The following GAB2 variants were observed in gnomAD, a reference collection of about 807,000 sequenced individuals.
GAB2 encodes the protein GRB2-associated-binding protein 2.
GAB2 carries 26 observed loss-of-function variants against 65.5 expected under a neutral mutation model. The ratio of observed to expected loss-of-function variants is 0.40; its 90% CI spans 0.29 to 0.55. The LOEUF is 0.55. Among genes scored for constraint, GAB2 ranks in the 20% least tolerant of loss-of-function variants. The pLI is 0.53. For missense variants in GAB2, 884 were observed against 875.8 expected (o/e 1.01, Z -0.12); for synonymous variants, 321 against 329.6 (o/e 0.97, Z 0.28).
chr11:78,359,544 C>G (rs1303875889), intron 1 of GAB2, among the ~76,000 whole-genome samples: 1 of 152,190 alleles, frequency 6.6e-6, no homozygotes. Context: ...CAGACAGACT[C>G]TCACTAAAGG....
chr11:78,264,045 C>G (rs1865807501), intron 2 of GAB2, among the ~76,000 whole-genome samples: 1 of 152,064 alleles, frequency 6.6e-6, no homozygotes, highest in Non-Finnish European at 1.5e-5. Context: ...AAAAGTCCAA[C>G]ATTGTAACTG....
intron 3 of GAB2, among the ~76,000 whole-genome samples, chr11:78,227,578 T>G (rs1341120841): frequency 6.8e-6 from 1 of 147,046 alleles, no homozygotes; most frequent in African/African-American, 2.5e-5. Flanking sequence ...GAGGTTCACT[T>G]GAGGCCAGGA....
At chr11:78,399,178 T>C (rs1221913411) in intron 1 of GAB2, among the ~76,000 whole-genome samples, 1 of 152,210 alleles carries the variant, frequency 6.6e-6, no homozygotes, top group Non-Finnish European at 1.5e-5. Flanking sequence ...ATTACCTTGA[T>C]GATAGCTGCT....
chr11:78,326,083 C>T (rs55675623), intron 1 of GAB2, among the ~76,000 whole-genome samples: 7,420 of 152,182 alleles, frequency 0.049, 581 homozygotes, highest in African/African-American at 0.17. Flanking sequence ...TGAATATATA[C>T]AATGTCTTCC....
At chr11:78,335,371 G>C (rs1353302309) in intron 1 of GAB2, among the ~76,000 whole-genome samples, 1 of 152,178 alleles carries the variant, frequency 6.6e-6, no homozygotes, top group African/African-American at 2.4e-5. Context: ...TTCATAGTTA[G>C]AGGTTTTAGA....
intron 1 of GAB2, among the ~76,000 whole-genome samples, chr11:78,357,601 G>A (rs1046808169): frequency 1.1e-4 from 16 of 152,120 alleles, no homozygotes; most frequent in Non-Finnish European, 2.2e-4. Flanking sequence ...AAAACTGGGC[G>A]AAGGATATGA....
At chr11:78,381,062 C>G (rs980247192) in intron 1 of GAB2, among the ~76,000 whole-genome samples, 1 of 152,148 alleles carries the variant, frequency 6.6e-6, no homozygotes, top group African/African-American at 2.4e-5. Context: ...GCTTTGTACT[C>G]AAATAGACTC....
intron 1 of GAB2, among the ~76,000 whole-genome samples, chr11:78,375,165 C>T (rs1856617574): frequency 6.6e-6 from 1 of 152,238 alleles, no homozygotes. Context: ...CCGCCTCAGC[C>T]TCCCAAGTAG....
chr11:78,245,152 C>T (rs1482726945), intron 3 of GAB2, among the ~76,000 whole-genome samples: 1 of 152,034 alleles, frequency 6.6e-6, no homozygotes, highest in Non-Finnish European at 1.5e-5. Context: ...TTTTCAGGGC[C>T]TGAGGGAAGG....
Position 78,386,027 on chromosome 11 carries a change from A to G in GAB2, c.75+31619T>C, listed in dbSNP as rs149767200. Among the ~76,000 whole-genome samples the G allele has an allele frequency of 6.1e-3, 926 of 152,292 alleles. 9 individuals are homozygous for G. Among genetic ancestry groups the G allele is most frequent in the African/African-American group, 0.021 (870 of 41,546 alleles). Reference sequence around the variant, plus strand: ...GGTTATTCAAAGCTTCCCCATCCCCAGTCAGTGCCTGAGATATATGATGGT... The same window carrying G: ...GGTTATTCAAAGCTTCCCCATCCCCGGTCAGTGCCTGAGATATATGATGGT... On this transcript the variant is annotated intron_variant, in intron 1 of 9. Transcript: ENST00000361507.
At chr11:78,248,238 G>C (rs953729892) in intron 3 of GAB2, among the ~76,000 whole-genome samples, 2 of 152,134 alleles carry the variant, frequency 1.3e-5, no homozygotes, top group Non-Finnish European at 2.9e-5. Context: ...GAGGAGGTAG[G>C]GGTGCAGAGA....
chr11:78,271,166 T>A (rs1383863800), intron 2 of GAB2, among the ~76,000 whole-genome samples: 1 of 152,222 alleles, frequency 6.6e-6, no homozygotes, highest in Non-Finnish European at 1.5e-5. Context: ...GCTCTTTTTG[T>A]GTGTAGTACA....
chr11:78,358,911 A>G (rs1856397244), intron 1 of GAB2, among the ~76,000 whole-genome samples: 1 of 152,184 alleles, frequency 6.6e-6, no homozygotes, highest in Admixed American at 6.5e-5. Flanking sequence ...AGAACTAAAT[A>G]CTTTTGAAAA....
At position 78,225,165 on chromosome 11, in the gene GAB2, A is replaced by G; in HGVS notation, c.1245T>C (p.Gly415=). 6.2e-7 allele frequency: 1 copy of G among 1,613,546 alleles called. No individual in the cohort carries two copies. The highest frequency in any genetic ancestry group is 1.3e-5 in the African/African-American group (1 of 75,022). ...SCETYEYPQR[G]GESAGRSAES... ...CAGCAGACCGGCCTGCACTCTCTCCACCACGCTGTGGGTACTCGTAGGTCT... is the reference window on the plus strand; with the variant it reads ...CAGCAGACCGGCCTGCACTCTCTCCGCCACGCTGTGGGTACTCGTAGGTCT... Residue 415 remains glycine, a synonymous_variant, in exon 5 of 10, where the codon GGT becomes GGC. Coordinates refer to ENST00000361507, the MANE Select transcript of GAB2 (RefSeq NM_080491.3).
chr11:78,254,805 A>T (rs1334411696), intron 2 of GAB2, among the ~76,000 whole-genome samples: 1 of 143,974 alleles, frequency 6.9e-6, no homozygotes, highest in Non-Finnish European at 1.5e-5. Context: ...CTCTAAAAAA[A>T]GAAAAAAGAA....
At chr11:78,327,061 T>C (rs1249918917) in intron 1 of GAB2, among the ~76,000 whole-genome samples, 1 of 152,188 alleles carries the variant, frequency 6.6e-6, no homozygotes, top group Non-Finnish European at 1.5e-5. Flanking sequence ...CTCAAGATCA[T>C]TCCTATTTAG....
chr11:78,293,614 A>G (rs1272146474), intron 1 of GAB2, among the ~76,000 whole-genome samples: 1 of 152,128 alleles, frequency 6.6e-6, no homozygotes, highest in Non-Finnish European at 1.5e-5. Flanking sequence ...GATTAAGCCA[A>G]TTTGCACCAT....
chr11:78,300,691 T>G (rs1039297080), intron 1 of GAB2, among the ~76,000 whole-genome samples: 12 of 138,974 alleles, frequency 8.6e-5, no homozygotes, highest in Admixed American at 4.4e-4. Context: ...TTTGGTTTTT[T>G]TTTGTTTTTT....
At chr11:78,340,913 C>T (rs1040157675) in intron 1 of GAB2, among the ~76,000 whole-genome samples, 9 of 152,148 alleles carry the variant, frequency 5.9e-5, no homozygotes, top group East Asian at 1.9e-4. Context: ...GGTGATCAGC[C>T]GCATGGAAGC....
Sources: allele counts gnomAD v4.1 joint callset (sites outside exome capture counted in the v4.1 genomes callset), GRCh38; gene constraint gnomAD v4.1.1; transcripts MANE v1.5; gene names NCBI Gene and HGNC (gene_info 2026-07-23, HGNC 2026-07-21).